Variants in EXOC6 observed in about 807,000 individuals in gnomAD.
The protein encoded by EXOC6 is SEC15-like 1.
Under a neutral mutation model 112.5 loss-of-function variants are expected in EXOC6, and 60 were observed. The observed-to-expected ratio is 0.53, with a 90% CI of 0.43 to 0.66. The LOEUF is 0.66. Ranked by LOEUF, EXOC6 falls within the 30% of genes least tolerant of loss-of-function variation. EXOC6 has a pLI of 0.00. For missense variants in EXOC6, 855 were observed against 957.1 expected (o/e 0.89, Z 1.41); for synonymous variants, 295 against 308.0 (o/e 0.96, Z 0.44).
intron 17 of EXOC6, among the ~76,000 whole-genome samples, chr10:92,964,913 C>T (rs1841981713): frequency 6.6e-6 from 1 of 152,194 alleles, no homozygotes; most frequent in African/African-American, 2.4e-5. Context: ...AAAATGACTG[C>T]CTGCTCACAG....
At chr10:92,893,221 CT>C (rs1209915358) in intron 1 of EXOC6, 127 bp from the exon 2 acceptor site, 4 of 611,896 alleles carry the variant, frequency 6.5e-6, no homozygotes, top group Non-Finnish European at 1.1e-5. Context: ...CAAATTATTT[CT>C]GCTAAAGGTA....
intron 18 of EXOC6, among the ~76,000 whole-genome samples, chr10:92,983,147 C>G (rs1842884990): frequency 2.0e-5 from 3 of 152,252 alleles, no homozygotes; most frequent in South Asian, 4.1e-4. Context: ...ATTATTTAAC[C>G]TCTGGATTAA....
chr10:92,896,313 T>G (rs893580458), intron 4 of EXOC6, among the ~76,000 whole-genome samples: 1 of 141,998 alleles, frequency 7.0e-6, no homozygotes, highest in African/African-American at 2.6e-5. Flanking sequence ...TTCTCCTGCC[T>G]CAGCCTCCTG....
At chr10:92,885,246 A>T (rs905860050) in intron 1 of EXOC6, among the ~76,000 whole-genome samples, 4 of 152,140 alleles carry the variant, frequency 2.6e-5, no homozygotes, top group Admixed American at 2.6e-4. Context: ...GATACTTAAA[A>T]TTTTTTTAGC....
intron 1 of EXOC6, among the ~76,000 whole-genome samples, chr10:92,874,666 A>C (rs1848608325): frequency 6.6e-6 from 1 of 152,226 alleles, no homozygotes; most frequent in African/African-American, 2.4e-5. Flanking sequence ...GAGTTAGCTT[A>C]AGAAAAAATG....
intron 19 of EXOC6, among the ~76,000 whole-genome samples, chr10:93,008,559 G>A (rs1339652652): frequency 6.6e-6 from 1 of 152,072 alleles, no homozygotes; most frequent in Non-Finnish European, 1.5e-5. Context: ...ATCTGAATGA[G>A]CCAAAAAGTA....
At chr10:92,892,269 G>A (rs1849543301) in intron 1 of EXOC6, among the ~76,000 whole-genome samples, 1 of 152,122 alleles carries the variant, frequency 6.6e-6, no homozygotes, top group Admixed American at 6.5e-5. Context: ...CAGCAGAAAA[G>A]GCACATAGGA....
chr10:93,039,523 C>A (rs1261970976), intron 20 of EXOC6, among the ~76,000 whole-genome samples: 4 of 152,184 alleles, frequency 2.6e-5, no homozygotes, highest in Admixed American at 1.3e-4. Flanking sequence ...ACATTCACCC[C>A]ATCCAAATAG....
chr10:92,866,828 G>A (rs1479559853), intron 1 of EXOC6, among the ~76,000 whole-genome samples: 1 of 152,060 alleles, frequency 6.6e-6, no homozygotes, highest in East Asian at 1.9e-4. Context: ...TTTTGAGTTA[G>A]TTTCCATAAG....
chr10:92,909,701 C>A, intron 6 of EXOC6, 70 bp downstream of exon 6: 2 of 886,858 alleles, frequency 2.3e-6, no homozygotes, highest in East Asian at 2.7e-5. Flanking sequence ...CCAAGGTTTA[C>A]TTCTTTAACT....
intron 18 of EXOC6, among the ~76,000 whole-genome samples, chr10:92,978,923 A>G (rs1239654251): frequency 6.6e-6 from 1 of 152,202 alleles, no homozygotes; most frequent in Non-Finnish European, 1.5e-5. Flanking sequence ...GGTAGTGTTC[A>G]GGAACAATGG....
intron 1 of EXOC6, among the ~76,000 whole-genome samples, chr10:92,851,253 A>T (rs1042331257): frequency 2.0e-5 from 3 of 152,214 alleles, no homozygotes; most frequent in African/African-American, 7.2e-5. Flanking sequence ...GTATTCAGTG[A>T]GACAGAAATA....
At chr10:92,892,686 A>T (rs1012023958) in intron 1 of EXOC6, among the ~76,000 whole-genome samples, 17 of 152,198 alleles carry the variant, frequency 1.1e-4, no homozygotes, top group African/African-American at 4.1e-4. Flanking sequence ...CTGCATGGTG[A>T]ATAGAGGGGT....
At chr10:92,924,163 T>C (rs1168578072) in intron 8 of EXOC6, among the ~76,000 whole-genome samples, 3 of 152,198 alleles carry the variant, frequency 2.0e-5, no homozygotes, top group African/African-American at 4.8e-5. Context: ...AACAAGTAAT[T>C]GCTTTTAAGA....
chr10:92,918,876 G>GCGTATGTAGTGAATGTCTGCTA (rs1851272032), intron 7 of EXOC6, among the ~76,000 whole-genome samples: 1 of 152,174 alleles, frequency 6.6e-6, no homozygotes, highest in Non-Finnish European at 1.5e-5. Context: ...GTATATATAT[G>GCGTATGTAGTGAATGTCTGCTA]CGTATGTAGT....
At chr10:92,979,666 A>G (rs930609625) in intron 18 of EXOC6, among the ~76,000 whole-genome samples, 1 of 152,166 alleles carries the variant, frequency 6.6e-6, no homozygotes, top group Admixed American at 6.5e-5. Context: ...GTGGTGGCTC[A>G]CACTGGTAAT....
At chr10:92,965,227 A>T (rs1220383967) in intron 17 of EXOC6, among the ~76,000 whole-genome samples, 2 of 152,162 alleles carry the variant, frequency 1.3e-5, no homozygotes, top group Non-Finnish European at 2.9e-5. Context: ...TATTCAAAAC[A>T]CACATGTTTA....
At chr10:93,022,032 G>T (rs903167502) in intron 20 of EXOC6, among the ~76,000 whole-genome samples, 1 of 152,132 alleles carries the variant, frequency 6.6e-6, no homozygotes, top group Non-Finnish European at 1.5e-5. Context: ...TTAAAACACT[G>T]ACCCCACGTA....
intron 18 of EXOC6, chr10:92,987,720 G>A: frequency 5.5e-6 from 4 of 721,852 alleles, no homozygotes; most frequent in Non-Finnish European, 6.8e-6. Context: ...TCTCTGCTTA[G>A]GTATTTAAAT....
Sources: gnomAD v4.1 joint callset for allele counts (sites outside exome capture counted in the v4.1 genomes callset) on GRCh38, gnomAD v4.1.1 for gene constraint, MANE v1.5 for transcripts, NCBI Gene and HGNC (gene_info 2026-07-23, HGNC 2026-07-21) for gene names.